The following SUPT20H variants were observed in gnomAD, a reference collection of about 807,000 sequenced individuals.
The protein encoded by SUPT20H is SPT20 homolog, SAGA complex component.
In SUPT20H, 82 loss-of-function variants were observed where a neutral mutation model predicts 122.8. The observed-to-expected ratio is 0.67, with a 90% confidence interval of 0.56 to 0.80. The LOEUF (loss-of-function observed/expected upper bound fraction) is 0.80, where lower values mean the gene tolerates loss of function less well. Among genes scored for constraint, SUPT20H ranks in the 30% least tolerant of loss-of-function variants. The pLI is 0.00. For missense variants in SUPT20H, 831 were observed against 921.6 expected (o/e 0.90, Z 1.27); for synonymous variants, 291 against 313.0 (o/e 0.93, Z 0.74).
In SUPT20H at chr13:37,028,169, T is replaced by A; in HGVS notation, c.1130A>T (p.Asp377Val). Residue 377 changes from aspartate to valine, a missense_variant, in exon 14 of 26, where the codon GAC becomes GTC. Physicochemically the swap from Asp to Val is radical, Grantham distance 152 (BLOSUM62 -3). Coordinates refer to ENST00000350612, the MANE Select transcript of SUPT20H (RefSeq NM_001014286.3). Reference sequence around the variant, plus strand: ...TCACTGTGATGGAGACATCTGGCTGTCACTTTCTTCATCTGCTTTACATGG... The same window carrying A: ...TCACTGTGATGGAGACATCTGGCTGACACTTTCTTCATCTGCTTTACATGG... ...IQPCKADEESDSQMSPSHSST... is the reference protein window; with the variant it reads ...IQPCKADEESVSQMSPSHSST... The A allele has an allele frequency of 6.2e-7, 1 of 1,608,978 alleles. No homozygotes were observed. Among genetic ancestry groups the A allele is most frequent in the Non-Finnish European group, 8.5e-7 (1 of 1,178,300 alleles).
At chr13:37,035,146 T>C (rs1484379622) in intron 9 of SUPT20H, among the ~76,000 whole-genome samples, 1 of 152,220 alleles carries the variant, frequency 6.6e-6, no homozygotes, top group African/African-American at 2.4e-5. Context: ...AATTTTGACT[T>C]TCAAGTCTTA....
chr13:37,056,091 C>T (rs1451292469), intron 1 of SUPT20H, among the ~76,000 whole-genome samples: 3 of 152,134 alleles, frequency 2.0e-5, no homozygotes, highest in South Asian at 2.1e-4. Flanking sequence ...GTTAGAATAG[C>T]GATCATTAAA....
intron 9 of SUPT20H, chr13:37,040,063 T>C (rs142644281): frequency 7.1e-6 from 1 of 141,710 alleles, no homozygotes; most frequent in African/African-American, 2.9e-5. Flanking sequence ...GGCTAGGGTT[T>C]AGAAACTTGA....
chr13:37,041,555 T>C (rs1466357212), intron 7 of SUPT20H, among the ~76,000 whole-genome samples: 1 of 152,086 alleles, frequency 6.6e-6, no homozygotes, highest in African/African-American at 2.4e-5. Context: ...TTCAGTCCTT[T>C]CTATGCTCAA....
intron 16 of SUPT20H, chr13:37,025,883 A>G (rs2062168062): frequency 1.2e-5 from 3 of 249,024 alleles, no homozygotes; most frequent in Non-Finnish European, 2.3e-5. Context: ...AAACCTAGGT[A>G]TTATAAACTT....
chr13:37,057,054 T>G (rs71439714), intron 1 of SUPT20H: 3,622 of 152,244 alleles, frequency 0.024, 61 homozygotes, highest in South Asian at 0.06. Flanking sequence ...ACCCCAGGAC[T>G]TTGGGAGGCC....
rs2063367403 is a variant in SUPT20H, at chr13:37,031,697, C to T, written c.864+42G>A. On this transcript the variant is annotated intron_variant, in intron 11 of 25. Coordinates refer to ENST00000350612, the MANE Select transcript of SUPT20H (RefSeq NM_001014286.3). Reference sequence around the variant, plus strand: ...TACTGAAAATGCTAAATAAGACAGGCTTTTGGGCATAATAAGCTTCATTTA... The same window carrying T: ...TACTGAAAATGCTAAATAAGACAGGTTTTTGGGCATAATAAGCTTCATTTA... 9 of 1,551,894 alleles carry T rather than the reference C, an allele frequency of 5.8e-6. 1 individual carries two copies. Among genetic ancestry groups the T allele is most frequent in the Non-Finnish European group, 7.8e-6 (9 of 1,154,334 alleles).
At chr13:37,023,312 A>G (rs2061669763) in intron 19 of SUPT20H, among the ~76,000 whole-genome samples, 1 of 152,188 alleles carries the variant, frequency 6.6e-6, no homozygotes, top group Admixed American at 6.6e-5. Context: ...TTCAGCATAT[A>G]TTAGCTATCT....
intron 1 of SUPT20H, among the ~76,000 whole-genome samples, chr13:37,057,586 C>A (rs993931048): frequency 2.7e-5 from 4 of 150,732 alleles, no homozygotes; most frequent in African/African-American, 9.8e-5. Context: ...CCAGTAATCC[C>A]AGCACTTTGG....
At chr13:37,054,055 A>G (rs2068360930) in intron 1 of SUPT20H, among the ~76,000 whole-genome samples, 1 of 152,238 alleles carries the variant, frequency 6.6e-6, no homozygotes, top group Admixed American at 6.5e-5. Flanking sequence ...ACACCCTCCC[A>G]AGACTAAACC....
Position 37,049,521 on chromosome 13 carries a change from C to T in SUPT20H, c.4-922G>A, listed in dbSNP as rs568750511. On this transcript the variant is annotated intron_variant, in intron 2 of 25. Coordinates refer to ENST00000350612, the MANE Select transcript of SUPT20H (RefSeq NM_001014286.3). The stretch of plus-strand genomic sequence containing the variant: ...TTGAGAGGCTGAGGCGGGAGGATCA[C>T]CTGAGGTAAGGAGTTCAAGATCAGC... Among the ~76,000 whole-genome samples, 20 of 152,194 alleles carry T rather than the reference C, an allele frequency of 1.3e-4. No individual in the cohort carries two copies. In the South Asian group the frequency reaches 3.7e-3, roughly 28 times the overall value.
intron 1 of SUPT20H, among the ~76,000 whole-genome samples, chr13:37,052,130 C>T (rs2067869272): frequency 6.6e-6 from 1 of 152,120 alleles, no homozygotes; most frequent in South Asian, 2.1e-4. Flanking sequence ...AGATTCAATG[C>T]TATTACCATC....
chr13:37,028,827 G>A (rs2062781022), intron 13 of SUPT20H, among the ~76,000 whole-genome samples: 1 of 151,688 alleles, frequency 6.6e-6, no homozygotes, highest in South Asian at 2.1e-4. Flanking sequence ...GCCTGTTTAT[G>A]CTCAGGAGGG....
At chr13:37,009,956 ACAGT>A (rs2059302177) in intron 25 of SUPT20H, 147 bp from the exon 26 acceptor site, 2 of 1,094,664 alleles carry the variant, frequency 1.8e-6, no homozygotes, top group Non-Finnish European at 2.5e-6. Flanking sequence ...GAGACAATGC[ACAGT>A]CAAACAGCAC....
intron 16 of SUPT20H, 26 bp downstream of exon 16, chr13:37,026,178 A>C: frequency 6.4e-7 from 1 of 1,559,516 alleles, no homozygotes; most frequent in Non-Finnish European, 8.6e-7. Flanking sequence ...CATCCTGACC[A>C]AAATAAGAGA....
chr13:37,025,402 T>G lies in SUPT20H; in HGVS notation c.1247A>C (p.Glu416Ala). ...VNQYQELVQN[E>A]AKCPVKMSHS... The stretch of plus-strand genomic sequence containing the variant: ...TGACATCTTGACCGGACATTTGGCT[T>G]CATTCTGGACTAATTCTTGGTACTG... Residue 416 changes from glutamate to alanine, a missense_variant, in exon 17 of 26, where the codon GAA becomes GCA. Physicochemically the swap from Glu to Ala is moderately radical, Grantham distance 107 (BLOSUM62 -1). Transcript: ENST00000350612. 6.2e-7 allele frequency: 1 copy of G among 1,613,914 alleles called. No individual in the cohort carries two copies. The highest frequency in any genetic ancestry group is 1.3e-5 in the African/African-American group (1 of 75,034).
At chr13:37,057,627 A>T (rs1000549009) in intron 1 of SUPT20H, among the ~76,000 whole-genome samples, 6 of 151,630 alleles carry the variant, frequency 4.0e-5, no homozygotes, top group African/African-American at 1.5e-4. Context: ...GCCTGAGCCC[A>T]GGAGCAGTAG....
rs200237560 is a variant in SUPT20H at position 37,025,356 on chromosome 13, G to A, written c.1293C>T (p.Ala431=). The change falls in exon 17 of 26, where the codon GCC becomes GCT. Residue 431 remains alanine (A), a synonymous_variant. Transcript: ENST00000350612. ...VKMSHSSSGS[A]SLSQVSPGKE... Reference sequence around the variant, plus strand: ...TCCCTGGAGAAACCTGACTCAGACTGGCTGAGCCACTGGAGCTGTGTGACA... The same window carrying A: ...TCCCTGGAGAAACCTGACTCAGACTAGCTGAGCCACTGGAGCTGTGTGACA... 6.2e-7 allele frequency: 1 copy of A among 1,613,964 alleles called. No individual in the cohort carries two copies. Among genetic ancestry groups the A allele is most frequent in the African/African-American group, 1.3e-5 (1 of 75,048 alleles).
chr13:37,039,826 A>G (rs1037654169), intron 9 of SUPT20H: 10 of 152,202 alleles, frequency 6.6e-5, no homozygotes, highest in African/African-American at 2.2e-4. Flanking sequence ...GACTAAATAA[A>G]TGGTTGATAT....
Sources: gnomAD v4.1 joint callset for allele counts (sites outside exome capture counted in the v4.1 genomes callset) on GRCh38, gnomAD v4.1.1 for gene constraint, MANE v1.5 for transcripts, NCBI Gene and HGNC (gene_info 2026-07-23, HGNC 2026-07-21) for gene names.